GARRE1: variants seen among roughly 807,000 people sequenced by gnomAD.
GARRE1 encodes granule associated Rac and RHOG effector 1.
Under a neutral mutation model 103.2 loss-of-function variants are expected in GARRE1, and 49 were observed. The ratio of observed to expected loss-of-function variants is 0.47; its 90% CI spans 0.38 to 0.60. The LOEUF (loss-of-function observed/expected upper bound fraction) is 0.60. GARRE1 is among the 20% of genes least tolerant of loss of function. The probability of loss-of-function intolerance (pLI) is 0.00; values close to 1 mark genes in which losing one functional copy is unlikely to be tolerated. For synonymous variants in GARRE1, 505 were observed against 532.8 expected (o/e 0.95, Z 0.72); for missense variants, 1,199 against 1,370.5 (o/e 0.87, Z 1.98).
chr19:34,352,676 A>G lies in GARRE1; in HGVS notation c.2934A>G (p.Lys978=). 1 of 1,611,564 alleles carries G rather than the reference A, an allele frequency of 6.2e-7. No homozygotes were observed. Among genetic ancestry groups the G allele is most frequent in the Non-Finnish European group, 8.5e-7 (1 of 1,177,896 alleles). The change falls in exon 14 of 14, where the codon AAA becomes AAG. Residue 978 remains lysine (K), a synonymous_variant. Transcript: ENST00000299505. ...QDNKTKTWPP[K]APWQHPSPLP... The stretch of plus-strand genomic sequence containing the variant: ...ACAAAACCAAAACGTGGCCACCCAA[A>G]GCACCCTGGCAGCACCCTTCCCCGC...
intron 1 of GARRE1, among the ~76,000 whole-genome samples, chr19:34,289,873 GA>G (rs1324215341): frequency 6.6e-6 from 1 of 152,194 alleles, no homozygotes; most frequent in Non-Finnish European, 1.5e-5. Context: ...TCTAGTGCAA[GA>G]CCTTTAATGT....
intron 1 of GARRE1, among the ~76,000 whole-genome samples, chr19:34,283,208 TATCA>T (rs2073865542): frequency 6.6e-6 from 1 of 152,240 alleles, no homozygotes; most frequent in Non-Finnish European, 1.5e-5. Flanking sequence ...AAATCATAGC[TATCA>T]ATCTTTAGTC....
chr19:34,308,369 C>T (rs1045023947), intron 2 of GARRE1, among the ~76,000 whole-genome samples: 1 of 149,932 alleles, frequency 6.7e-6, no homozygotes, highest in Non-Finnish European at 1.5e-5. Flanking sequence ...GTTCATATTG[C>T]TGCTGCTAAT....
chr19:34,328,573 A>C lies in GARRE1; in HGVS notation c.1104+422A>C, dbSNP rs543444241. 2.0e-5 allele frequency among the ~76,000 whole-genome samples: 3 copies of C among 151,814 alleles called. No homozygotes were observed. In the South Asian group the frequency reaches 6.2e-4, roughly 32 times the overall value. On this transcript the variant is annotated intron_variant, in intron 6 of 13. Coordinates refer to ENST00000299505, the MANE Select transcript of GARRE1 (RefSeq NM_014686.5). Reference sequence around the variant, plus strand: ...AAAAAGCAGACCTACGGAGACTTTAATCAGACATTTGCCAAGCAAGTTTTC... The same window carrying C: ...AAAAAGCAGACCTACGGAGACTTTACTCAGACATTTGCCAAGCAAGTTTTC...
chr19:34,288,214 C>T (rs1479012263), intron 1 of GARRE1, among the ~76,000 whole-genome samples: 1 of 152,048 alleles, frequency 6.6e-6, no homozygotes. Context: ...GAAAAGGAAG[C>T]GTGGGGAGTG....
At chr19:34,322,680 C>T (rs149275601) in intron 3 of GARRE1, among the ~76,000 whole-genome samples, 1,565 of 151,982 alleles carry the variant, frequency 0.01, 31 homozygotes, top group African/African-American at 0.036. Flanking sequence ...CTCTGCCTCC[C>T]GGGTTCAAGC....
At chr19:34,335,994 A>T (rs550635709) in intron 8 of GARRE1, among the ~76,000 whole-genome samples, 38 of 148,332 alleles carry the variant, frequency 2.6e-4, no homozygotes, top group African/African-American at 7.4e-4. Context: ...TATTATTATT[A>T]TTTTTTTTTT....
chr19:34,341,651 T>C lies in GARRE1; in HGVS notation c.1717T>C (p.Cys573Arg), dbSNP rs1329350219. Residue 573 changes from cysteine to arginine, a missense_variant, in exon 10 of 14, where the codon TGT (cysteine) becomes CGT (arginine). Transcript: ENST00000299505. Reference sequence around the variant, plus strand: ...TTCCAAAAACATCTTCATAGCTGGATGTTCCGAAGAGAAGGCCAAAATGCC... The same window carrying C: ...TTCCAAAAACATCTTCATAGCTGGACGTTCCGAAGAGAAGGCCAAAATGCC... ...TPSKNIFIAG[C>R]SEEKAKMPGN... 1.2e-6 allele frequency: 2 copies of C among 1,614,080 alleles called. No homozygotes were observed. The highest frequency in any genetic ancestry group is 1.7e-6 in the Non-Finnish European group (2 of 1,180,050).
At chr19:34,269,623 C>T (rs1349404128) in intron 1 of GARRE1, among the ~76,000 whole-genome samples, 1 of 152,062 alleles carries the variant, frequency 6.6e-6, no homozygotes, top group African/African-American at 2.4e-5. Flanking sequence ...AGTGCAGTGG[C>T]ATGATCATAG....
At chr19:34,350,533 C>T (rs980843774) in intron 12 of GARRE1, among the ~76,000 whole-genome samples, 8 of 152,292 alleles carry the variant, frequency 5.3e-5, no homozygotes, top group Middle Eastern at 3.4e-3. Flanking sequence ...ATTAGTAAAA[C>T]GAATGGGCTT....
Position 34,348,024 on chromosome 19 carries a change from C to T in GARRE1, c.2669C>T (p.Pro890Leu). The T allele has an allele frequency of 6.7e-7, 1 of 1,497,978 alleles. No homozygotes were observed. Among genetic ancestry groups the T allele is most frequent in the Non-Finnish European group, 9.0e-7 (1 of 1,114,386 alleles). The allele number at this position is 1,497,978 out of a possible 1,614,324, so 92.8% of individuals were successfully genotyped here. The change falls in exon 11 of 14, where the codon CCC (proline) becomes CTC (leucine). Residue 890 changes from proline (P) to leucine (L), a missense_variant. By Grantham distance (98) the Pro-to-Leu change is moderately conservative. Transcript: ENST00000299505. ...MDDAHRTWPF[P>L]EFFTEGDGLH... The stretch of plus-strand genomic sequence containing the variant: ...GACGCGCATCGGACCTGGCCCTTCC[C>T]CGAGTTCTTCACAGAAGGGTGAGTG...
At chr19:34,314,968 A>G (rs2074053501) in intron 2 of GARRE1, among the ~76,000 whole-genome samples, 1 of 152,202 alleles carries the variant, frequency 6.6e-6, no homozygotes, top group African/African-American at 2.4e-5. Context: ...CATTAAGAAC[A>G]AGGTTGAGGA....
At chr19:34,286,083 G>A (rs957190139) in intron 1 of GARRE1, among the ~76,000 whole-genome samples, 1 of 152,158 alleles carries the variant, frequency 6.6e-6, no homozygotes, top group Non-Finnish European at 1.5e-5. Flanking sequence ...TGTAATCCCA[G>A]CACTCTGGAA....
rs2074214116 is a variant in GARRE1 at position 34,346,926 on chromosome 19, T to C, written c.2522-951T>C. ...AGCCACCAAGCCCAGCCCAGTTTTGTTTTGTTTTGTTTTTAAAGACAGGGT... is the reference window on the plus strand; with the variant it reads ...AGCCACCAAGCCCAGCCCAGTTTTGCTTTGTTTTGTTTTTAAAGACAGGGT... On this transcript the variant is annotated intron_variant, in intron 10 of 13. Coordinates refer to ENST00000299505, the MANE Select transcript of GARRE1 (RefSeq NM_014686.5). Among the ~76,000 whole-genome samples the C allele has an allele frequency of 1.3e-5, 2 of 150,648 alleles. 1 individual carries two copies. The highest frequency in any genetic ancestry group is 4.2e-4 in the South Asian group (2 of 4,770).
intron 7 of GARRE1, 55 bp from the exon 8 acceptor site, chr19:34,333,649 T>C (rs2074147159): frequency 1.9e-6 from 2 of 1,045,388 alleles, no homozygotes; most frequent in South Asian, 2.7e-5. Flanking sequence ...TTCTGATTTG[T>C]TTTCTCTCTG....
intron 3 of GARRE1, among the ~76,000 whole-genome samples, chr19:34,323,836 C>A (rs1435173555): frequency 1.3e-5 from 2 of 152,146 alleles, no homozygotes; most frequent in East Asian, 3.9e-4. Context: ...TCACCTTGAC[C>A]TTTTTTGCCA....
At chr19:34,296,147 C>T in intron 1 of GARRE1, 1 of 282,672 alleles carries the variant, frequency 3.5e-6, no homozygotes, top group East Asian at 4.7e-5. Context: ...ATCCTGGATC[C>T]CTCGCTTTTT....
chr19:34,313,038 GCTAT>G (rs1482062969), intron 2 of GARRE1, among the ~76,000 whole-genome samples: 1 of 152,208 alleles, frequency 6.6e-6, no homozygotes, highest in Non-Finnish European at 1.5e-5. Context: ...CCCTGGTAGT[GCTAT>G]TTACTGAGAT....
intron 1 of GARRE1, among the ~76,000 whole-genome samples, chr19:34,263,016 C>A (rs2073728388): frequency 6.6e-6 from 1 of 151,884 alleles, no homozygotes; most frequent in African/African-American, 2.4e-5. Flanking sequence ...GAGTTTGAGA[C>A]CAGCCTGACA....
Sources: gnomAD v4.1 joint callset for allele counts (sites outside exome capture counted in the v4.1 genomes callset) on GRCh38, gnomAD v4.1.1 for gene constraint, MANE v1.5 for transcripts, NCBI Gene and HGNC (gene_info 2026-07-23, HGNC 2026-07-21) for gene names.